The following GNAO1 variants were observed in gnomAD, a reference collection of about 807,000 sequenced individuals.
GNAO1 encodes the protein guanine nucleotide-binding protein G(o) subunit alpha.
For missense variants in GNAO1, 166 were observed against 478.7 expected (o/e 0.35, Z 6.10); for synonymous variants, 164 against 180.7 (o/e 0.91, Z 0.74).
intron 3 of GNAO1, among the ~76,000 whole-genome samples, chr16:56,278,245 A>G (rs1348291480): frequency 1.3e-5 from 2 of 152,212 alleles, no homozygotes; most frequent in Non-Finnish European, 2.9e-5. Context: ...GTCCAAGCAC[A>G]GTTCCGTTAT....
Position 56,336,725 on chromosome 16 carries a change from C to T in GNAO1, c.594-6C>T, listed in dbSNP as rs548233212. Reference sequence around the variant, plus strand: ...CCTGCGCCTACCAGCTCCCTGCCTCCTACAGGCTGTTTGACGTCGGAGGCC... The same window carrying T: ...CCTGCGCCTACCAGCTCCCTGCCTCTTACAGGCTGTTTGACGTCGGAGGCC... On this transcript the variant is annotated splice_polypyrimidine_tract_variant and splice_region_variant and intron_variant, in intron 5 of 8. Coordinates refer to ENST00000262493, the MANE Select transcript of GNAO1 (RefSeq NM_020988.3). 2 of 1,608,370 alleles carry T rather than the reference C, an allele frequency of 1.2e-6. No homozygotes were observed. The highest frequency in any genetic ancestry group is 2.2e-5 in the South Asian group (2 of 90,208).
chr16:56,196,985 C>G (rs1448127954), intron 2 of GNAO1, among the ~76,000 whole-genome samples: 2 of 152,198 alleles, frequency 1.3e-5, no homozygotes, highest in African/African-American at 2.4e-5. Context: ...CCAGCTGACC[C>G]TGACTTTGTA....
intron 2 of GNAO1, among the ~76,000 whole-genome samples, chr16:56,260,382 A>G (rs569372168): frequency 2.0e-4 from 30 of 152,276 alleles, no homozygotes; most frequent in African/African-American, 5.3e-4. Context: ...CTTGTCTTCA[A>G]CGTGCACCAA....
chr16:56,231,912 T>A (rs1488129195), intron 2 of GNAO1, among the ~76,000 whole-genome samples: 1 of 152,170 alleles, frequency 6.6e-6, no homozygotes, highest in Non-Finnish European at 1.5e-5. Context: ...TCTGTGACGA[T>A]GTCGTCCCTG....
chr16:56,252,552 C>T (rs1348646944), intron 2 of GNAO1, among the ~76,000 whole-genome samples: 1 of 152,232 alleles, frequency 6.6e-6, no homozygotes, highest in African/African-American at 2.4e-5. Flanking sequence ...TGCATTTCCT[C>T]CTCTGAGGAA....
chr16:56,303,558 G>C (rs1567476099), intron 3 of GNAO1, among the ~76,000 whole-genome samples: 1 of 151,808 alleles, frequency 6.6e-6, no homozygotes, highest in Non-Finnish European at 1.5e-5. Context: ...GGCATCTTGG[G>C]TGGGCAGTGA....
At chr16:56,230,114 C>T (rs1235710178) in intron 2 of GNAO1, among the ~76,000 whole-genome samples, 2 of 147,350 alleles carry the variant, frequency 1.4e-5, no homozygotes, top group Non-Finnish European at 3.0e-5. Context: ...CACTTATGTT[C>T]CATAACTTTA....
intron 2 of GNAO1, among the ~76,000 whole-genome samples, chr16:56,275,399 A>G (rs1297369750): frequency 2.6e-5 from 4 of 152,258 alleles, no homozygotes; most frequent in African/African-American, 9.6e-5. Context: ...AGGATGAAAA[A>G]GTAGGCAAAC....
At chr16:56,237,874 A>T (rs1166837570) in intron 2 of GNAO1, among the ~76,000 whole-genome samples, 1 of 152,188 alleles carries the variant, frequency 6.6e-6, no homozygotes, top group Admixed American at 6.5e-5. Context: ...CTGGCAACGG[A>T]TAAAAGACCC....
intron 3 of GNAO1, among the ~76,000 whole-genome samples, chr16:56,310,895 A>G (rs9922179): frequency 2.0e-5 from 3 of 151,418 alleles, no homozygotes; most frequent in Admixed American, 6.6e-5. Context: ...TGGCACCACC[A>G]CCCCCTAGGA....
Position 56,210,422 on chromosome 16 carries a change from T to G in GNAO1, c.161+17806T>G, listed in dbSNP as rs1379833277. Among the ~76,000 whole-genome samples, 4 of 152,242 alleles carry G rather than the reference T, an allele frequency of 2.6e-5. No homozygotes were observed. The East Asian group carries it at 7.7e-4, about 29-fold the overall frequency. ...GACATAAGTTTTTAAATCCTTTGGGTAAATACCAAGGAGCACAATTGCTGG... is the reference window on the plus strand; with the variant it reads ...GACATAAGTTTTTAAATCCTTTGGGGAAATACCAAGGAGCACAATTGCTGG... On this transcript the variant is annotated intron_variant, in intron 2 of 8. Coordinates refer to ENST00000262493, the MANE Select transcript of GNAO1 (RefSeq NM_020988.3).
intron 2 of GNAO1, among the ~76,000 whole-genome samples, chr16:56,210,926 T>A (rs2036380393): frequency 6.6e-6 from 1 of 152,260 alleles, no homozygotes; most frequent in South Asian, 2.1e-4. Context: ...CTGTTTCTGG[T>A]ATATAGAAAT....
chr16:56,225,433 A>G (rs1243224473), intron 2 of GNAO1, among the ~76,000 whole-genome samples: 1 of 152,218 alleles, frequency 6.6e-6, no homozygotes, highest in African/African-American at 2.4e-5. Context: ...AGTTTTACAG[A>G]AGAGAAAATG....
At chr16:56,305,266 C>T in intron 3 of GNAO1, among the ~76,000 whole-genome samples, 1 of 152,216 alleles carries the variant, frequency 6.6e-6, no homozygotes, top group East Asian at 1.9e-4. Flanking sequence ...GATGTAGGCC[C>T]TGCCCTCACA....
chr16:56,289,689 AG>A (rs2037211225), intron 3 of GNAO1, among the ~76,000 whole-genome samples: 1 of 152,134 alleles, frequency 6.6e-6, no homozygotes, highest in African/African-American at 2.4e-5. Context: ...AGGCTTGAGG[AG>A]GGGGTACGGA....
chr16:56,335,436 G>C (rs1273355160), intron 5 of GNAO1, among the ~76,000 whole-genome samples: 1 of 152,190 alleles, frequency 6.6e-6, no homozygotes, highest in East Asian at 1.9e-4. Flanking sequence ...CTGCTGCAGC[G>C]CTGTGTCCCC....
intron 4 of GNAO1, among the ~76,000 whole-genome samples, chr16:56,331,611 C>T (rs1219104332): frequency 1.3e-5 from 2 of 152,166 alleles, no homozygotes; most frequent in African/African-American, 4.8e-5. Flanking sequence ...TCCAGACTCC[C>T]TCGATGCCTC....
At chr16:56,269,395 C>A (rs147802908) in intron 2 of GNAO1, among the ~76,000 whole-genome samples, 1 of 152,138 alleles carries the variant, frequency 6.6e-6, no homozygotes, top group Non-Finnish European at 1.5e-5. Flanking sequence ...AGGACAGACG[C>A]GGGACGCCTG....
chr16:56,265,115 C>T (rs1295515587), intron 2 of GNAO1, among the ~76,000 whole-genome samples: 3 of 152,208 alleles, frequency 2.0e-5, no homozygotes, highest in African/African-American at 7.2e-5. Flanking sequence ...CAGACAAGCC[C>T]CCCAGCCCGA....
Sources: gnomAD v4.1 joint callset for allele counts (sites outside exome capture counted in the v4.1 genomes callset) on GRCh38, gnomAD v4.1.1 for gene constraint, MANE v1.5 for transcripts, NCBI Gene and HGNC (gene_info 2026-07-23, HGNC 2026-07-21) for gene names.